The following GOLM2 variants were observed in gnomAD, a reference collection of about 807,000 sequenced individuals.
GOLM2 encodes protein GOLM2.
GOLM2 carries 26 observed loss-of-function variants against 55.9 expected under a neutral mutation model. The observed-to-expected ratio is 0.47, with a 90% CI of 0.34 to 0.65. The LOEUF is 0.65. Among genes scored for constraint, GOLM2 ranks in the 30% least tolerant of loss-of-function variants. The pLI, the probability that GOLM2 is intolerant of heterozygous loss-of-function variation, is 0.01. For missense variants in GOLM2, 486 were observed against 531.8 expected, an observed-to-expected ratio of 0.91 and a Z score of 0.85; for synonymous variants, 165 against 194.6, an observed-to-expected ratio of 0.85 and a Z score of 1.27.
In GOLM2 at chr15:44,379,769, C is replaced by T. The variant is rs776565514; in HGVS notation, c.882C>T (p.Leu294=). ...AISHLPTGQP[L]SPNMPPDSHI... The stretch of plus-strand genomic sequence containing the variant: ...CCCATCTTCCAACTGGACAACCTCT[C>T]TCCCCAAATATGCCTCCAGGTATGA... Residue 294 remains leucine (L), a synonymous_variant, in exon 7 of 10, where the codon CTC becomes CTT. Transcript: ENST00000299957. 1.2e-6 allele frequency: 2 copies of T among 1,608,824 alleles called. No homozygotes were observed. Among genetic ancestry groups the T allele is most frequent in the Non-Finnish European group, 1.7e-6 (2 of 1,175,590 alleles).
chr15:44,396,273 A>T (rs548349524), intron 8 of GOLM2, among the ~76,000 whole-genome samples: 1 of 152,120 alleles, frequency 6.6e-6, no homozygotes, highest in Non-Finnish European at 1.5e-5. Flanking sequence ...CAGAAGAATC[A>T]CTTGAACCCA....
intron 6 of GOLM2, among the ~76,000 whole-genome samples, chr15:44,369,067 T>TATATATATATATATA (rs1555424961): frequency 4.4e-5 from 1 of 22,960 alleles, no homozygotes; most frequent in African/African-American, 1.5e-4. Context: ...ATAGGATATA[T>TATATATATATATATA]TATATATATA....
chr15:44,362,767 G>T (rs1042968963), intron 6 of GOLM2, among the ~76,000 whole-genome samples: 3 of 152,182 alleles, frequency 2.0e-5, no homozygotes, highest in African/African-American at 7.2e-5. Flanking sequence ...AAAGCTAGAG[G>T]CATCATGCTA....
chr15:44,291,570 G>C (rs1342029397), intron 1 of GOLM2, among the ~76,000 whole-genome samples: 1 of 152,124 alleles, frequency 6.6e-6, no homozygotes, highest in East Asian at 1.9e-4. Flanking sequence ...CAAAACCAAA[G>C]AATATTTTTA....
chr15:44,376,079 A>G (rs891485650), intron 6 of GOLM2, among the ~76,000 whole-genome samples: 1 of 152,200 alleles, frequency 6.6e-6, no homozygotes, highest in Admixed American at 6.5e-5. Context: ...TCTACTAAAA[A>G]TACAAAATTA....
chr15:44,400,333 T>C (rs2079556214), intron 8 of GOLM2, among the ~76,000 whole-genome samples: 1 of 151,880 alleles, frequency 6.6e-6, no homozygotes, highest in Non-Finnish European at 1.5e-5. Flanking sequence ...TTTTTTTTTC[T>C]TTGAGACAGA....
chr15:44,362,899 G>A lies in GOLM2; in HGVS notation c.803-16791G>A, dbSNP rs913040525. Among the ~76,000 whole-genome samples, 349 of 152,076 alleles carry A rather than the reference G, an allele frequency of 2.3e-3. 1 individual carries two copies. The highest frequency in any genetic ancestry group is 8.1e-3 in the African/African-American group (336 of 41,454). On this transcript the variant is annotated intron_variant, in intron 6 of 9. Transcript: ENST00000299957. ...TCAGAAATAACGCCGCATATCTACA[G>A]CTATCTGATCTTTGACAAACCTGAG... is the stretch of plus-strand genomic sequence containing the variant.
intron 6 of GOLM2, among the ~76,000 whole-genome samples, chr15:44,369,067 T>TTATA (rs58317520): frequency 0.013 from 289 of 22,882 alleles, 13 homozygotes; most frequent in South Asian, 0.019. Context: ...ATAGGATATA[T>TTATA]TATATATATA....
intron 9 of GOLM2, among the ~76,000 whole-genome samples, chr15:44,403,390 G>A (rs766149075): frequency 2.5e-4 from 38 of 152,078 alleles, no homozygotes; most frequent in African/African-American, 3.4e-4. Flanking sequence ...TCAAACTCCC[G>A]ACCTCAGGTG....
intron 1 of GOLM2, among the ~76,000 whole-genome samples, chr15:44,313,705 AC>A (rs1280198886): frequency 4.6e-5 from 7 of 152,186 alleles, no homozygotes; most frequent in African/African-American, 1.7e-4. Context: ...AAATAAGTAA[AC>A]TTTATAGTAA....
At chr15:44,413,183 T>C (rs1399160920) in intron 9 of GOLM2, among the ~76,000 whole-genome samples, 153 bp from the exon 10 acceptor site, 1 of 152,164 alleles carries the variant, frequency 6.6e-6, no homozygotes, top group Non-Finnish European at 1.5e-5. Context: ...TTTCACTCTT[T>C]AGCCAAGCAA....
intron 9 of GOLM2, among the ~76,000 whole-genome samples, chr15:44,410,426 G>T (rs1463434687): frequency 6.6e-6 from 1 of 152,150 alleles, no homozygotes; most frequent in African/African-American, 2.4e-5. Context: ...GTGAGACTCC[G>T]TCTCAAAAAT....
chr15:44,331,913 A>G (rs1299303615), intron 3 of GOLM2, 75 bp from the exon 4 acceptor site: 2 of 971,946 alleles, frequency 2.1e-6, no homozygotes, highest in Non-Finnish European at 3.3e-6. Flanking sequence ...TTTCTTATGT[A>G]TGTGTCAACT....
intron 6 of GOLM2, among the ~76,000 whole-genome samples, chr15:44,367,933 T>C (rs1302629252): frequency 3.3e-5 from 5 of 152,186 alleles, no homozygotes; most frequent in Non-Finnish European, 5.9e-5. Context: ...TTAATTGTTA[T>C]CAATTTGACC....
At chr15:44,307,305 C>T (rs2141116534) in intron 1 of GOLM2, 1 of 152,274 alleles carries the variant, frequency 6.6e-6, no homozygotes, top group Middle Eastern at 2.6e-3. Context: ...CTCTGCCTCC[C>T]AGGTTCACGC....
At chr15:44,349,512 G>A (rs2079147586) in intron 6 of GOLM2, among the ~76,000 whole-genome samples, 1 of 152,134 alleles carries the variant, frequency 6.6e-6, no homozygotes, top group African/African-American at 2.4e-5. Context: ...TAGAGCTAAA[G>A]AGAAAGATAA....
chr15:44,317,598 T>C (rs1021800), intron 1 of GOLM2, among the ~76,000 whole-genome samples: 4,468 of 152,192 alleles, frequency 0.029, 101 homozygotes, highest in East Asian at 0.1. Flanking sequence ...TTTTTTTTGC[T>C]TCCCCTGTAG....
At chr15:44,300,739 G>T (rs1007923193) in intron 1 of GOLM2, among the ~76,000 whole-genome samples, 6 of 152,176 alleles carry the variant, frequency 3.9e-5, no homozygotes, top group Non-Finnish European at 7.3e-5. Context: ...CCCCATGTTA[G>T]CCTCTTCCTC....
chr15:44,310,060 T>A (rs2078862935), intron 1 of GOLM2, among the ~76,000 whole-genome samples: 1 of 152,076 alleles, frequency 6.6e-6, no homozygotes, highest in Non-Finnish European at 1.5e-5. Context: ...ATTTTTGTAT[T>A]TTTTGTAGAG....
Sources: gnomAD v4.1 joint callset for allele counts (sites outside exome capture counted in the v4.1 genomes callset) on GRCh38, gnomAD v4.1.1 for gene constraint, MANE v1.5 for transcripts, NCBI Gene and HGNC (gene_info 2026-07-23, HGNC 2026-07-21) for gene names.